Variants in BANP observed in about 807,000 individuals in gnomAD.
BANP encodes the protein BTG3 associated nuclear protein, also known as protein BANP.
A neutral mutation model predicts 68.1 loss-of-function variants in BANP; 11 were observed. The ratio of observed to expected loss-of-function variants is 0.16; its 90% CI spans 0.10 to 0.27. The LOEUF (loss-of-function observed/expected upper bound fraction) is 0.27, where lower values mean the gene tolerates loss of function less well. BANP is among the 10% of genes least tolerant of loss of function. The probability of loss-of-function intolerance (pLI) is 1.00; values close to 1 mark genes in which losing one functional copy is unlikely to be tolerated. For synonymous variants in BANP, 329 were observed against 303.2 expected, an observed-to-expected ratio of 1.09 and a Z score of -0.88; for missense variants, 504 against 722.7, an observed-to-expected ratio of 0.70 and a Z score of 3.47.
intron 11 of BANP, among the ~76,000 whole-genome samples, chr16:88,050,023 C>T (rs751457813): frequency 7.2e-5 from 11 of 152,256 alleles, no homozygotes; most frequent in Non-Finnish European, 1.0e-4. Flanking sequence ...GGTGTGTGGG[C>T]GTGGCCGGCT....
At chr16:87,958,654 G>C (rs2058556754) in intron 1 of BANP, among the ~76,000 whole-genome samples, 1 of 152,192 alleles carries the variant, frequency 6.6e-6, no homozygotes. Context: ...AGTGAGCCAT[G>C]ATTGCACCAC....
chr16:87,998,215 C>T (rs763714096), intron 4 of BANP, among the ~76,000 whole-genome samples: 11 of 152,164 alleles, frequency 7.2e-5, no homozygotes, highest in Non-Finnish European at 1.3e-4. Context: ...GACCCCTGTA[C>T]AGGGGAAGGC....
intron 1 of BANP, among the ~76,000 whole-genome samples, chr16:87,955,590 C>G (rs1225784752): frequency 6.6e-6 from 1 of 152,190 alleles, no homozygotes; most frequent in Non-Finnish European, 1.5e-5. Context: ...CCCTCCGGGA[C>G]CCCACACTGG....
chr16:87,981,584 T>C (rs2063291002), intron 3 of BANP, among the ~76,000 whole-genome samples: 1 of 152,248 alleles, frequency 6.6e-6, no homozygotes, highest in African/African-American at 2.4e-5. Flanking sequence ...GGTTAGGATG[T>C]GGGTATATCA....
intron 1 of BANP, among the ~76,000 whole-genome samples, chr16:87,962,786 C>T (rs935072591): frequency 7.9e-5 from 12 of 152,116 alleles, no homozygotes; most frequent in Non-Finnish European, 1.2e-4. Flanking sequence ...ATCTAGCATC[C>T]GATCAGTCAT....
At chr16:88,026,106 C>G (rs2076934507) in intron 7 of BANP, among the ~76,000 whole-genome samples, 1 of 152,242 alleles carries the variant, frequency 6.6e-6, no homozygotes, top group Non-Finnish European at 1.5e-5. Flanking sequence ...CAGGGCATCT[C>G]TGGATGCTGC....
chr16:88,015,989 A>G (rs2074463359), intron 6 of BANP, among the ~76,000 whole-genome samples: 1 of 152,180 alleles, frequency 6.6e-6, no homozygotes, highest in Non-Finnish European at 1.5e-5. Context: ...GGGACCTTGC[A>G]GTGGGACAGT....
At chr16:87,978,640 C>T (rs909902339) in intron 2 of BANP, 2 of 470,082 alleles carry the variant, frequency 4.3e-6, no homozygotes, top group African/African-American at 4.0e-5. Context: ...TAGCCGTGTG[C>T]TGTACTCAAG....
chr16:88,018,172 C>T lies in BANP; in HGVS notation c.656-256C>T, dbSNP rs2075028309. Among the ~76,000 whole-genome samples the T allele has an allele frequency of 6.6e-6, 1 of 151,736 alleles. No individual in the cohort carries two copies. Among genetic ancestry groups the T allele is most frequent in the African/African-American group, 2.4e-5 (1 of 41,292 alleles). On this transcript the variant is annotated intron_variant, in intron 6 of 13. Transcript: ENST00000682872. The surrounding 1 kb of genome is among the most constrained non-coding windows in gnomAD (Gnocchi z 7.7). The stretch of plus-strand genomic sequence containing the variant: ...TGTGTGACCGTGTTGGCGCTCAGGT[C>T]CCGAGGCCCTGCAGCCCCACAGGCA...
intron 2 of BANP, 154 bp downstream of exon 2, chr16:87,975,339 C>A (rs1874217373): frequency 1.4e-6 from 1 of 733,340 alleles, no homozygotes. Flanking sequence ...ACACTGTCGG[C>A]CCCTCCCTTC....
Position 87,984,125 on chromosome 16 carries a change from A to G in BANP, c.228A>G (p.Gln76=), listed in dbSNP as rs1294050486. 3.1e-6 allele frequency: 5 copies of G among 1,613,398 alleles called. No homozygotes were observed. Among genetic ancestry groups the G allele is most frequent in the Admixed American group, 3.3e-5 (2 of 59,988 alleles). ...TGGATAGCATTGAAGCCAAATTGCA[A>G]GCCCTGGAGGCTACTTGTAAATCCT... The part of the protein sequence containing the change: ...LRLDSIEAKL[Q]ALEATCKSLE... Residue 76 remains glutamine, a synonymous_variant, in exon 4 of 14, where the codon CAA becomes CAG. Coordinates refer to ENST00000682872, the MANE Select transcript of BANP (RefSeq NM_001386991.1).
At chr16:88,065,611 GAC>G (rs1319994159) in intron 12 of BANP, among the ~76,000 whole-genome samples, 16 of 152,314 alleles carry the variant, frequency 1.1e-4, no homozygotes, top group African/African-American at 3.4e-4. Context: ...GCTTTCTGAA[GAC>G]ACAACAGGAA....
chr16:87,982,032 CAAG>C (rs2146089345), intron 3 of BANP, among the ~76,000 whole-genome samples: 1 of 152,260 alleles, frequency 6.6e-6, no homozygotes, highest in East Asian at 1.9e-4. Flanking sequence ...GTTTTGTTAA[CAAG>C]GAGAAGCAGT....
chr16:88,047,167 T>A (rs1275848892), intron 11 of BANP, among the ~76,000 whole-genome samples: 1 of 152,112 alleles, frequency 6.6e-6, no homozygotes, highest in African/African-American at 2.4e-5. Context: ...TTGTTTGTGT[T>A]GTTTAAAATC....
intron 1 of BANP, among the ~76,000 whole-genome samples, chr16:87,955,857 G>A (rs796796217): frequency 2.6e-5 from 4 of 152,298 alleles, no homozygotes; most frequent in African/African-American, 9.6e-5. Context: ...ATGAGAAAAT[G>A]CTGCACCCAA....
intron 4 of BANP, among the ~76,000 whole-genome samples, chr16:87,998,024 C>T (rs550321440): frequency 2.0e-5 from 3 of 152,156 alleles, no homozygotes; most frequent in Admixed American, 6.5e-5. Flanking sequence ...TGCTCTGGGT[C>T]GGGATTCTCA....
chr16:87,991,819 C>G (rs1445556548), intron 4 of BANP, among the ~76,000 whole-genome samples: 3 of 151,918 alleles, frequency 2.0e-5, no homozygotes, highest in South Asian at 4.1e-4. Context: ...ATTATGTTAC[C>G]TTTAAATAGA....
intron 13 of BANP, among the ~76,000 whole-genome samples, chr16:88,076,372 C>A (rs1048533533): frequency 2.0e-5 from 3 of 152,172 alleles, no homozygotes; most frequent in Admixed American, 1.3e-4. Context: ...CTGGGTGTGC[C>A]GGAGCCTCCC....
chr16:87,982,981 A>G (rs1412232658), intron 3 of BANP, among the ~76,000 whole-genome samples: 17 of 151,530 alleles, frequency 1.1e-4, no homozygotes, highest in Non-Finnish European at 2.2e-4. Context: ...TCCCCTGTCA[A>G]TGTGGGCCGG....
Sources: allele counts gnomAD v4.1 joint callset (sites outside exome capture counted in the v4.1 genomes callset), GRCh38; gene constraint gnomAD v4.1.1; non-coding constraint Gnocchi (gnomAD v3.1); transcripts MANE v1.5; gene names NCBI Gene and HGNC (gene_info 2026-07-23, HGNC 2026-07-21).